FHL2: variants seen among roughly 807,000 people sequenced by gnomAD.
FHL2 encodes four and a half LIM domains protein 2.
Under a neutral mutation model 32.7 loss-of-function variants are expected in FHL2, and 20 were observed. That is an observed-to-expected ratio of 0.61 (90% CI 0.43 to 0.89). The LOEUF is 0.89. Among genes scored for constraint, FHL2 ranks in the 40% least tolerant of loss-of-function variants. The pLI is 0.00. For missense variants in FHL2, 311 were observed against 358.6 expected (o/e 0.87, Z 1.07); for synonymous variants, 123 against 128.1 (o/e 0.96, Z 0.27).
chr2:105,391,034 T>C (rs1558708530), intron 2 of FHL2, among the ~76,000 whole-genome samples: 1 of 151,954 alleles, frequency 6.6e-6, no homozygotes, highest in Non-Finnish European at 1.5e-5. Flanking sequence ...AGTTTCACCA[T>C]GTTGGCCAGA....
At chr2:105,395,832 A>T (rs1279850400) in intron 2 of FHL2, among the ~76,000 whole-genome samples, 1 of 152,198 alleles carries the variant, frequency 6.6e-6, no homozygotes, top group Non-Finnish European at 1.5e-5. Context: ...AGGATCTTGA[A>T]GCCGCAGACA....
chr2:105,403,670 A>G (rs1683541863), upstream of FHL2, among the ~76,000 whole-genome samples: 1 of 152,252 alleles, frequency 6.6e-6, no homozygotes, highest in Non-Finnish European at 1.5e-5. Context: ...GATTTGAAGT[A>G]AAATAAATAC....
chr2:105,398,916 G>T lies in FHL2; in HGVS notation c.-150C>A. 1 of 1,539,756 alleles carries T rather than the reference G, an allele frequency of 6.5e-7. No homozygotes were observed. ...GATTCGGCCCCCACTTCCGAGCCCT[G>T]GTGGCTAAGCCCCTCGGCCTCCCTC... On this transcript the variant is annotated 5_prime_UTR_variant, in exon 1 of 7. Coordinates refer to ENST00000530340, the MANE Select transcript of FHL2 (RefSeq NM_001318895.3).
chr2:105,404,199 A>C (rs538379706), upstream of FHL2, among the ~76,000 whole-genome samples: 1 of 152,380 alleles, frequency 6.6e-6, no homozygotes, highest in Admixed American at 6.5e-5. Context: ...AAGATTGTTA[A>C]GCATTTTGTC....
intron 1 of FHL2, 165 bp from the exon 2 acceptor site, chr2:105,396,862 A>C: frequency 2.3e-4 from 144 of 636,006 alleles, no homozygotes; most frequent in East Asian, 3.6e-4. Context: ...ACCCAAGCTC[A>C]AGGAACTTTG....
rs372565228 is a variant in FHL2 at position 105,369,592 on chromosome 2, G to A, written c.332-1853C>T. The stretch of plus-strand genomic sequence containing the variant: ...GCTGTACAATCTATGGAATTCAATT[G>A]TGGGGTGATGAATCCTAAAACAAAC... On this transcript the variant is annotated intron_variant, in intron 4 of 6. Transcript: ENST00000530340. Among the ~76,000 whole-genome samples, 5 of 152,294 alleles carry A rather than the reference G, an allele frequency of 3.3e-5. No individual in the cohort carries two copies. In the South Asian group the frequency reaches 8.3e-4, roughly 25 times the overall value.
intron 1 of FHL2, among the ~76,000 whole-genome samples, chr2:105,429,570 T>C (rs1340920884): frequency 6.6e-6 from 1 of 152,176 alleles, no homozygotes; most frequent in African/African-American, 2.4e-5. Context: ...TGGGGAAACA[T>C]TCCTTCTCTA....
Position 105,373,701 on chromosome 2 carries a change from T to G in FHL2, c.189A>C (p.Glu63Asp). 6.2e-7 allele frequency: 1 copy of G among 1,614,150 alleles called. No homozygotes were observed. Among genetic ancestry groups the G allele is most frequent in the Non-Finnish European group, 8.5e-7 (1 of 1,180,028 alleles). Reference protein sequence around the residue: ...DLSYKDRHWHEACFHCSQCRN... With the variant: ...DLSYKDRHWHDACFHCSQCRN... ...TGCACTGCGAGCAGTGGAAACAGGCTTCATGCCAGTGCCGGTCCTTGTAAG... is the reference window on the plus strand; with the variant it reads ...TGCACTGCGAGCAGTGGAAACAGGCGTCATGCCAGTGCCGGTCCTTGTAAG... The change falls in exon 4 of 7, where the codon GAA (glutamate) becomes GAC (aspartate). Residue 63 changes from glutamate to aspartate, a missense_variant. Glu to Asp is a conservative substitution (Grantham distance 45). Coordinates refer to ENST00000530340, the MANE Select transcript of FHL2 (RefSeq NM_001318895.3).
At chr2:105,418,213 C>G (rs1683990906) in intron 1 of FHL2, among the ~76,000 whole-genome samples, 1 of 152,006 alleles carries the variant, frequency 6.6e-6, no homozygotes, top group South Asian at 2.1e-4. Flanking sequence ...GAATGGCCAC[C>G]CAAGGCTGCC....
intron 3 of FHL2, among the ~76,000 whole-genome samples, chr2:105,383,720 T>C (rs1488356388): frequency 1.3e-5 from 2 of 152,230 alleles, no homozygotes; most frequent in African/African-American, 2.4e-5. Context: ...TTGTGGGCTT[T>C]ACTTCCAGAA....
At chr2:105,362,993 C>T in intron 6 of FHL2, 1 of 358,164 alleles carries the variant, frequency 2.8e-6, no homozygotes, top group Non-Finnish European at 5.1e-6. Context: ...TTTGTGATGT[C>T]ACAGGCTCAC....
At chr2:105,391,169 G>C (rs1050166435) in intron 2 of FHL2, among the ~76,000 whole-genome samples, 3 of 152,072 alleles carry the variant, frequency 2.0e-5, no homozygotes, top group Admixed American at 1.3e-4. Context: ...TTCATTCACT[G>C]AATAAACATT....
intron 1 of FHL2, among the ~76,000 whole-genome samples, chr2:105,435,547 C>A (rs529887799): frequency 6.6e-6 from 1 of 152,132 alleles, no homozygotes; most frequent in Non-Finnish European, 1.5e-5. Context: ...TCTAGACATG[C>A]TTACTCTTTA....
At chr2:105,374,035 A>G (rs1681289508) in intron 3 of FHL2, 1 of 401,154 alleles carries the variant, frequency 2.5e-6, no homozygotes, top group African/African-American at 2.0e-5. Flanking sequence ...CCTGCAAGAA[A>G]GAGAAACAGA....
At chr2:105,426,195 A>T (rs1035080064) in intron 1 of FHL2, among the ~76,000 whole-genome samples, 12 of 152,162 alleles carry the variant, frequency 7.9e-5, no homozygotes, top group African/African-American at 2.9e-4. Flanking sequence ...TAGCTCTTGG[A>T]AAAACAGGTT....
intron 5 of FHL2, among the ~76,000 whole-genome samples, 169 bp from the exon 6 acceptor site, chr2:105,363,640 C>A (rs907390644): frequency 5.3e-5 from 8 of 152,204 alleles, no homozygotes; most frequent in African/African-American, 1.9e-4. Context: ...CCTCACCACA[C>A]GCTTTCATTC....
chr2:105,437,174 A>G (rs1325797095), intron 1 of FHL2, among the ~76,000 whole-genome samples: 1 of 152,240 alleles, frequency 6.6e-6, no homozygotes, highest in Non-Finnish European at 1.5e-5. Context: ...GAAGTTATGC[A>G]TTAAAATATT....
At chr2:105,381,893 C>G (rs2104568649) in intron 3 of FHL2, among the ~76,000 whole-genome samples, 1 of 152,204 alleles carries the variant, frequency 6.6e-6, no homozygotes, top group South Asian at 2.1e-4. Context: ...GAAAAGGGTC[C>G]AGAAAGACCA....
intron 1 of FHL2, among the ~76,000 whole-genome samples, chr2:105,415,176 C>T (rs1683897824): frequency 2.6e-5 from 4 of 152,166 alleles, no homozygotes; most frequent in Admixed American, 1.3e-4. Flanking sequence ...AGCGCTACAC[C>T]GCTATAAATA....
Sources: gnomAD v4.1 joint callset for allele counts (sites outside exome capture counted in the v4.1 genomes callset) on GRCh38, gnomAD v4.1.1 for gene constraint, MANE v1.5 for transcripts, NCBI Gene and HGNC (gene_info 2026-07-23, HGNC 2026-07-21) for gene names.